C1orf159: variants seen among roughly 807,000 people sequenced by gnomAD.
The protein encoded by C1orf159 is chromosome 1 open reading frame 159.
C1orf159 carries 19 observed loss-of-function variants against 25.6 expected under a neutral mutation model. The ratio of observed to expected loss-of-function variants is 0.74; its 90% CI spans 0.52 to 1.09. The LOEUF is 1.09. C1orf159 is among the 50% of genes least tolerant of loss of function. C1orf159 has a pLI of 0.00. For synonymous variants in C1orf159, 139 were observed against 124.7 expected (o/e 1.12, Z -0.77); for missense variants, 274 against 290.6 (o/e 0.94, Z 0.42).
chr1:1,084,278 G>A (rs753472675), intron 9 of C1orf159, 75 bp downstream of exon 9: 3 of 1,520,422 alleles, frequency 2.0e-6, no homozygotes, highest in Admixed American at 2.2e-5. Flanking sequence ...CCCGTTTGGG[G>A]ACAAACCCAC....
chr1:1,087,360 A>T lies in C1orf159; in HGVS notation c.244+142T>A, dbSNP rs533676418. 2.6e-6 allele frequency: 3 copies of T among 1,159,148 alleles called. No homozygotes were observed. The East Asian group carries it at 7.8e-5, about 30-fold the overall frequency. The allele number at this position is 1,159,148 out of a possible 1,614,324, so 71.8% of individuals were successfully genotyped here. ...AGAGCTGTCCCGAATGGCCCAGCAG[A>T]CTCGGGAAGAGGGGGCTCCCGGGGC... On this transcript the variant is annotated intron_variant, in intron 5 of 9. Coordinates refer to ENST00000421241, the MANE Select transcript of C1orf159 (RefSeq NM_017891.5). This position sits in a 1 kb window ranked among gnomAD's most constrained non-coding sequence, Gnocchi z 8.3.
At chr1:1,113,757 C>T (rs903812573) in intron 1 of C1orf159, among the ~76,000 whole-genome samples, 1 of 152,162 alleles carries the variant, frequency 6.6e-6, no homozygotes, top group South Asian at 2.1e-4. Flanking sequence ...CGCAGTTTGA[C>T]CTTTGACTTA....
At chr1:1,114,730 C>T (rs1040851518) in intron 1 of C1orf159, among the ~76,000 whole-genome samples, 3 of 152,154 alleles carry the variant, frequency 2.0e-5, no homozygotes, top group African/African-American at 7.2e-5. Context: ...AGTAATCAGG[C>T]GCATCACTGA....
At position 1,082,731 on chromosome 1, in the gene C1orf159, C is replaced by T. The variant is rs1235186679; in HGVS notation, c.*162G>A. The T allele has an allele frequency of 6.1e-6, 4 of 658,100 alleles. No individual in the cohort carries two copies. Among genetic ancestry groups the T allele is most frequent in the Non-Finnish European group, 8.1e-6 (3 of 370,760 alleles). The allele number at this position is 658,100 out of a possible 1,614,324, so 40.8% of individuals were successfully genotyped here. On this transcript the variant is annotated 3_prime_UTR_variant, in exon 10 of 10. Transcript: ENST00000421241. The stretch of plus-strand genomic sequence containing the variant: ...GGAGGAGCCTCAGGCGGCCCGGGAC[C>T]CTTTGGCGTCCGTCGCTGGGAGGCG...
At chr1:1,099,295 T>TG (rs1279379778) in intron 1 of C1orf159, among the ~76,000 whole-genome samples, 1 of 146,910 alleles carries the variant, frequency 6.8e-6, no homozygotes, top group Non-Finnish European at 1.5e-5. Context: ...GTCTTATTGA[T>TG]GTTTTTGGTC....
chr1:1,087,158 G>A lies in C1orf159; in HGVS notation c.291C>T (p.Thr97=). 4 of 1,610,324 alleles carry A rather than the reference G, an allele frequency of 2.5e-6. No individual in the cohort carries two copies. The highest frequency in any genetic ancestry group is 2.2e-5 in the East Asian group (1 of 44,882). The change falls in exon 6 of 10, where the codon ACC becomes ACT. Residue 97 remains threonine (T), a synonymous_variant. Transcript: ENST00000421241. The surrounding 1 kb of genome is among the most constrained non-coding windows in gnomAD (Gnocchi z 8.3). ...APFPMNRSSG[T]PGRPHPGAPR... ...ACTTACCAGGATGTGGCCGCCCGGG[G>A]GTCCCTGAGCTTCTGTTCATGGGGA...
intron 1 of C1orf159, among the ~76,000 whole-genome samples, chr1:1,103,053 G>A (rs1646124780): frequency 6.6e-6 from 1 of 151,952 alleles, no homozygotes; most frequent in African/African-American, 2.4e-5. Context: ...ATGTTGGTCA[G>A]GCTTGTCTTG....
intron 1 of C1orf159, among the ~76,000 whole-genome samples, chr1:1,093,314 A>C (rs1287606141): frequency 1.3e-5 from 2 of 152,250 alleles, no homozygotes; most frequent in African/African-American, 4.8e-5. Context: ...ATTTTGATTC[A>C]GGAACCAGAA....
chr1:1,113,575 A>G (rs4970405), intron 1 of C1orf159, among the ~76,000 whole-genome samples: 12,916 of 152,208 alleles, frequency 0.085, 720 homozygotes, highest in South Asian at 0.17. Flanking sequence ...AAAGCATGTT[A>G]GCAGCAGTGA....
chr1:1,103,382 A>G (rs1385892721), intron 1 of C1orf159, among the ~76,000 whole-genome samples: 1 of 152,156 alleles, frequency 6.6e-6, no homozygotes, highest in African/African-American at 2.4e-5. Context: ...TCATATGTTG[A>G]GTGATTTTGA....
At chr1:1,111,160 C>A (rs549388546) in intron 1 of C1orf159, among the ~76,000 whole-genome samples, 1 of 152,156 alleles carries the variant, frequency 6.6e-6, no homozygotes. Flanking sequence ...AAAATTTCTA[C>A]AAGGCAATGA....
At chr1:1,084,813 C>G (rs898473350) in intron 7 of C1orf159, among the ~76,000 whole-genome samples, 3 of 152,172 alleles carry the variant, frequency 2.0e-5, no homozygotes, top group African/African-American at 7.2e-5. Context: ...ACAAGCCCCC[C>G]TCATGAGAAG....
rs374833971 is a variant in C1orf159, at chr1:1,087,226, G to A, written c.245-22C>T. On this transcript the variant is annotated intron_variant, in intron 5 of 9. Coordinates refer to ENST00000421241, the MANE Select transcript of C1orf159 (RefSeq NM_017891.5). The surrounding 1 kb of genome is among the most constrained non-coding windows in gnomAD (Gnocchi z 8.3). Reference sequence around the variant, plus strand: ...GCAACTGTGGGATAGCAGAACTGTGGGAAGCCTGTGTGCACGGAGCCCACG... The same window carrying A: ...GCAACTGTGGGATAGCAGAACTGTGAGAAGCCTGTGTGCACGGAGCCCACG... 1.9e-4 allele frequency: 304 copies of A among 1,595,884 alleles called. 2 individuals are homozygous for A. The Middle Eastern group carries it at 2.8e-3, about 15-fold the overall frequency.
At chr1:1,105,188 C>A (rs1646154042) in intron 1 of C1orf159, among the ~76,000 whole-genome samples, 1 of 152,246 alleles carries the variant, frequency 6.6e-6, no homozygotes, top group Non-Finnish European at 1.5e-5. Flanking sequence ...TTCAGTATGT[C>A]TGGCCAACTA....
chr1:1,090,579 CCT>C (rs1645913174), intron 3 of C1orf159, 151 bp from the exon 4 acceptor site: 1 of 818,716 alleles, frequency 1.2e-6, no homozygotes, highest in Non-Finnish European at 2.0e-6. Context: ...CCCTCTGTCC[CCT>C]GTGGGCCTGG....
At chr1:1,091,003 A>AG in intron 3 of C1orf159, 2 of 1,531,480 alleles carry the variant, frequency 1.3e-6, no homozygotes, top group Non-Finnish European at 1.8e-6. Flanking sequence ...GTGAACGGTG[A>AG]GGGCGTCCAG....
At position 1,082,678 on chromosome 1, in the gene C1orf159, G is replaced by A; in HGVS notation, c.*215C>T. ...TGAGGTCTCATGGATGCCTGCTCCTGGTCCGATAAACGAGATGGCTGTGGT... is the reference window on the plus strand; with the variant it reads ...TGAGGTCTCATGGATGCCTGCTCCTAGTCCGATAAACGAGATGGCTGTGGT... On this transcript the variant is annotated 3_prime_UTR_variant, in exon 10 of 10. Coordinates refer to ENST00000421241, the MANE Select transcript of C1orf159 (RefSeq NM_017891.5). 5 of 582,268 alleles carry A rather than the reference G, an allele frequency of 8.6e-6. No homozygotes were observed. Among genetic ancestry groups the A allele is most frequent in the Non-Finnish European group, 1.5e-5 (5 of 324,164 alleles). 36.1% of individuals were successfully genotyped at this position (582,268 alleles called of 1,614,324 possible).
Position 1,091,567 on chromosome 1 carries a change from T to C in C1orf159, c.-22-2A>G. 1 of 1,537,232 alleles carries C rather than the reference T, an allele frequency of 6.5e-7. No homozygotes were observed. Among genetic ancestry groups the C allele is most frequent in the Non-Finnish European group, 8.8e-7 (1 of 1,141,994 alleles). Reference sequence around the variant, plus strand: ...ATGCCAGGAGCAGATGCGCAGAGCCTGCCACAGGGAGGAGCATGCGGAGCC... The same window carrying C: ...ATGCCAGGAGCAGATGCGCAGAGCCCGCCACAGGGAGGAGCATGCGGAGCC... On this transcript the variant is annotated splice_acceptor_variant, in intron 2 of 9. Coordinates refer to ENST00000421241, the MANE Select transcript of C1orf159 (RefSeq NM_017891.5). LOFTEE classifies it low-confidence loss of function (5UTR_SPLICE).
At chr1:1,101,355 C>T (rs922836915) in intron 1 of C1orf159, among the ~76,000 whole-genome samples, 8 of 152,262 alleles carry the variant, frequency 5.3e-5, no homozygotes, top group South Asian at 4.2e-4. Context: ...TGGTAGCACA[C>T]GCTTGTAGTC....
Sources: gnomAD v4.1 joint callset for allele counts (sites outside exome capture counted in the v4.1 genomes callset) on GRCh38, gnomAD v4.1.1 for gene constraint, Gnocchi (gnomAD v3.1) non-coding constraint, MANE v1.5 for transcripts, NCBI Gene and HGNC (gene_info 2026-07-23, HGNC 2026-07-21) for gene names.